Variants in LRCH1 observed in about 807,000 individuals in gnomAD.
LRCH1 encodes the protein leucine-rich repeat and calponin homology domain-containing protein 1.
In LRCH1, 23 loss-of-function variants were observed where a neutral mutation model predicts 94.9. That is an observed-to-expected ratio of 0.24 (90% CI 0.17 to 0.34). LRCH1 has a LOEUF of 0.34. Among genes scored for constraint, LRCH1 ranks in the 10% least tolerant of loss-of-function variants. The pLI is 1.00. For synonymous variants in LRCH1, 364 were observed against 354.9 expected, an observed-to-expected ratio of 1.03 and a Z score of -0.29; for missense variants, 790 against 945.9, an observed-to-expected ratio of 0.84 and a Z score of 2.16.
At chr13:46,732,259 A>G (rs890181576) in intron 18 of LRCH1, among the ~76,000 whole-genome samples, 1 of 152,258 alleles carries the variant, frequency 6.6e-6, no homozygotes, top group Admixed American at 6.5e-5. Context: ...CAAAATCACT[A>G]TCATTGTCAG....
chr13:46,728,935 A>G lies in LRCH1; in HGVS notation c.1958A>G (p.His653Arg). Residue 653 changes from histidine (H) to arginine (R), a missense_variant, in exon 18 of 20, where the codon CAC becomes CGC. Transcript: ENST00000389797. ...GTCGTCCTCTGCCATCTGGTCAACC[A>G]CATCCGCCCACGGTCGGTTGCAAGC... ...DGVVLCHLVN[H>R]IRPRSVASIH... The G allele has an allele frequency of 6.2e-7, 1 of 1,613,780 alleles. No homozygotes were observed. Among genetic ancestry groups the G allele is most frequent in the Non-Finnish European group, 8.5e-7 (1 of 1,179,854 alleles).
Position 46,650,227 on chromosome 13 carries a change from G to C in LRCH1, c.334G>C (p.Val112Leu), listed in dbSNP as rs1329151592. 1 of 1,611,924 alleles carries C rather than the reference G, an allele frequency of 6.2e-7. No individual in the cohort carries two copies. Among genetic ancestry groups the C allele is most frequent in the Non-Finnish European group, 8.5e-7 (1 of 1,178,976 alleles). The change falls in exon 2 of 20, where the codon GTT becomes CTT. Residue 112 changes from valine to leucine, a missense_variant. Coordinates refer to ENST00000389797, the MANE Select transcript of LRCH1 (RefSeq NM_001164211.2). ...CTTATCTAAAAACAGACTGGTTGAA[G>C]TTCCAATGGAATTGTGCCATTTTGT... ...ADLSKNRLVE[V>L]PMELCHFVSL...
At chr13:46,643,956 C>CA (rs1423135540) in intron 1 of LRCH1, among the ~76,000 whole-genome samples, 1 of 152,138 alleles carries the variant, frequency 6.6e-6, no homozygotes, top group Admixed American at 6.5e-5. Flanking sequence ...ATACGAAGAC[C>CA]ATGTCGACTT....
At chr13:46,553,899 G>T (rs1193585997) in intron 1 of LRCH1, among the ~76,000 whole-genome samples, 196 bp downstream of exon 1, 5 of 152,204 alleles carry the variant, frequency 3.3e-5, no homozygotes, top group Non-Finnish European at 7.4e-5. Flanking sequence ...GGCCCTGCCT[G>T]GTCCGGCGAT....
intron 13 of LRCH1, among the ~76,000 whole-genome samples, chr13:46,709,452 G>T (rs1418568790): frequency 1.3e-5 from 2 of 152,166 alleles, no homozygotes; most frequent in Non-Finnish European, 2.9e-5. Context: ...CTTGCCTCCA[G>T]AGTGAATTTT....
At chr13:46,630,399 A>AATCAGAATC (rs2051004374) in intron 1 of LRCH1, among the ~76,000 whole-genome samples, 1 of 152,238 alleles carries the variant, frequency 6.6e-6, no homozygotes, top group African/African-American at 2.4e-5. Flanking sequence ...AGCAAACTCA[A>AATCAGAATC]AGAATCAGAG....
At chr13:46,644,538 A>G (rs2051197820) in intron 1 of LRCH1, among the ~76,000 whole-genome samples, 1 of 152,212 alleles carries the variant, frequency 6.6e-6, no homozygotes, top group Admixed American at 6.5e-5. Flanking sequence ...TCTGTTTTGC[A>G]GTTTTGTTTT....
Position 46,742,154 on chromosome 13 carries a change from G to A in LRCH1, c.*306G>A, listed in dbSNP as rs1017443628. The stretch of plus-strand genomic sequence containing the variant: ...CCACGCAGTTCCTCCTCTCCCTCCC[G>A]GTGAGCTGCTGCCCTGGGCAGAGGG... On this transcript the variant is annotated 3_prime_UTR_variant, in exon 20 of 20. Coordinates refer to ENST00000389797, the MANE Select transcript of LRCH1 (RefSeq NM_001164211.2). The A allele has an allele frequency of 9.1e-6, 11 of 1,209,118 alleles. No homozygotes were observed. Among genetic ancestry groups the A allele is most frequent in the Admixed American group, 4.0e-5 (1 of 25,004 alleles). 74.9% of individuals were successfully genotyped at this position (1,209,118 alleles called of 1,614,324 possible). A position where few individuals can be genotyped will look rare whatever the true frequency, so the allele number is the denominator to read the frequency against.
chr13:46,677,506 A>G (rs1850959105), intron 3 of LRCH1, among the ~76,000 whole-genome samples: 1 of 152,226 alleles, frequency 6.6e-6, no homozygotes, highest in South Asian at 2.1e-4. Context: ...ACCTAGTTTA[A>G]TAATCCCTGA....
chr13:46,727,951 C>T (rs1276673236), intron 17 of LRCH1, among the ~76,000 whole-genome samples: 1 of 150,778 alleles, frequency 6.6e-6, no homozygotes, highest in African/African-American at 2.5e-5. Flanking sequence ...GGATCTCACT[C>T]TGTCAACCAG....
At chr13:46,719,373 G>A (rs1024950508) in intron 16 of LRCH1, among the ~76,000 whole-genome samples, 4 of 152,190 alleles carry the variant, frequency 2.6e-5, no homozygotes, top group African/African-American at 9.7e-5. Flanking sequence ...GAGGGTACAA[G>A]TTGGAAACAG....
intron 19 of LRCH1, among the ~76,000 whole-genome samples, chr13:46,736,642 T>G (rs1873399669): frequency 6.6e-6 from 1 of 152,230 alleles, no homozygotes; most frequent in African/African-American, 2.4e-5. Flanking sequence ...TTTTTCTTGT[T>G]GCATCAAGCT....
chr13:46,667,129 G>C (rs1345484487), intron 2 of LRCH1, among the ~76,000 whole-genome samples: 1 of 152,156 alleles, frequency 6.6e-6, no homozygotes, highest in East Asian at 1.9e-4. Flanking sequence ...GCCTCTTTCT[G>C]GAAATAGCTT....
intron 18 of LRCH1, among the ~76,000 whole-genome samples, chr13:46,730,674 T>C (rs1873057894): frequency 6.6e-6 from 1 of 152,224 alleles, no homozygotes; most frequent in South Asian, 2.1e-4. Context: ...GCAGCCTTAA[T>C]GTGGGACAGT....
At chr13:46,593,278 CTTT>C (rs2050521162) in intron 1 of LRCH1, among the ~76,000 whole-genome samples, 1 of 117,714 alleles carries the variant, frequency 8.5e-6, no homozygotes, top group South Asian at 2.8e-4. Context: ...TTCTTTCTTT[CTTT>C]CCTTTTTTTT....
intron 16 of LRCH1, among the ~76,000 whole-genome samples, chr13:46,719,904 A>G (rs1244061315): frequency 1.3e-5 from 2 of 152,114 alleles, no homozygotes; most frequent in Non-Finnish European, 2.9e-5. Flanking sequence ...GGGCTTAGGC[A>G]GGAGAATCTC....
intron 1 of LRCH1, among the ~76,000 whole-genome samples, chr13:46,628,083 T>C (rs901388987): frequency 2.0e-5 from 3 of 152,204 alleles, no homozygotes; most frequent in Admixed American, 6.6e-5. Context: ...AAATCTATGC[T>C]ACTTTGCAAG....
At chr13:46,735,342 T>C (rs1873318764) in intron 19 of LRCH1, among the ~76,000 whole-genome samples, 1 of 152,232 alleles carries the variant, frequency 6.6e-6, no homozygotes, top group Admixed American at 6.5e-5. Context: ...TTCCCATGTG[T>C]GAATCAAAAC....
At position 46,567,315 on chromosome 13, in the gene LRCH1, A is replaced by G. The variant is rs552579098; in HGVS notation, c.307+13612A>G. Among the ~76,000 whole-genome samples, 14 of 152,308 alleles carry G rather than the reference A, an allele frequency of 9.2e-5. No homozygotes were observed. The South Asian group carries it at 2.7e-3, about 29-fold the overall frequency. On this transcript the variant is annotated intron_variant, in intron 1 of 19. Coordinates refer to ENST00000389797, the MANE Select transcript of LRCH1 (RefSeq NM_001164211.2). The stretch of plus-strand genomic sequence containing the variant: ...TTTCTATACATTAATTACCTCTACA[A>G]TTTTATAGATGAAATAGGGCAGCAC...
Sources: gnomAD v4.1 joint callset for allele counts (sites outside exome capture counted in the v4.1 genomes callset) on GRCh38, gnomAD v4.1.1 for gene constraint, MANE v1.5 for transcripts, NCBI Gene and HGNC (gene_info 2026-07-23, HGNC 2026-07-21) for gene names.